GLYATL1: variants seen among roughly 807,000 people sequenced by gnomAD.
The protein encoded by GLYATL1 is glycine N-acyltransferase-like protein 1.
GLYATL1 carries 15 observed loss-of-function variants against 20.0 expected under a neutral mutation model. The observed-to-expected ratio is 0.75, with a 90% confidence interval of 0.50 to 1.15. The LOEUF (loss-of-function observed/expected upper bound fraction) is 1.15. Ranked by LOEUF, GLYATL1 falls within the 50% of genes most tolerant of loss-of-function variation. The pLI is 0.00. For synonymous variants in GLYATL1, 151 were observed against 131.5 expected (o/e 1.15, Z -1.01); for missense variants, 380 against 368.5 (o/e 1.03, Z -0.26).
In GLYATL1 at chr11:58,947,159, C is replaced by CCA; in HGVS notation, c.73_74insAC (p.Leu25HisfsTer2). On this transcript the variant is annotated frameshift_variant, in exon 3 of 7. Transcript: ENST00000532726. LOFTEE classifies it high-confidence loss of function. Reference sequence around the variant, plus strand: ...CCTTGGCCAGGAGCATCCCTGAGTCCCTGAAGGTCAGGGAACAGTGGGAGG... The same window carrying CCA: ...CCTTGGCCAGGAGCATCCCTGAGTCCCACTGAAGGTCAGGGAACAGTGGGAGG... 6.2e-7 allele frequency: 1 copy of CCA among 1,613,490 alleles called. No individual in the cohort carries two copies. The highest frequency in any genetic ancestry group is 8.5e-7 in the Non-Finnish European group (1 of 1,179,596).
intron 4 of GLYATL1, among the ~76,000 whole-genome samples, chr11:58,954,444 T>C (rs1438667072): frequency 1.3e-5 from 2 of 152,166 alleles, no homozygotes; most frequent in African/African-American, 4.8e-5. Context: ...AGGGTATGTG[T>C]GCAGTTGAGT....
chr11:58,945,953 C>T (rs1394262677), intron 2 of GLYATL1, among the ~76,000 whole-genome samples: 1 of 152,160 alleles, frequency 6.6e-6, no homozygotes, highest in Non-Finnish European at 1.5e-5. Context: ...ATATGTTTCA[C>T]CTTGCCTATT....
downstream of GLYATL1, among the ~76,000 whole-genome samples, chr11:58,912,075 A>T (rs1198047714): frequency 6.6e-6 from 1 of 152,208 alleles, no homozygotes; most frequent in Non-Finnish European, 1.5e-5. Flanking sequence ...GATGATTAGC[A>T]TCTTAAGAAT....
At chr11:58,929,025 A>G (rs1855507732) in intron 1 of GLYATL1, among the ~76,000 whole-genome samples, 1 of 152,230 alleles carries the variant, frequency 6.6e-6, no homozygotes, top group South Asian at 2.1e-4. Flanking sequence ...CAATTATTAC[A>G]AGCTTTATAA....
intron 1 of GLYATL1, among the ~76,000 whole-genome samples, chr11:58,931,399 A>G (rs991857510): frequency 8.5e-5 from 13 of 152,240 alleles, no homozygotes; most frequent in African/African-American, 3.1e-4. Flanking sequence ...GGTTAGGACT[A>G]TAACATGTGA....
At chr11:58,914,784 G>T (rs906621946) in intron 1 of GLYATL1, among the ~76,000 whole-genome samples, 2 of 152,212 alleles carry the variant, frequency 1.3e-5, no homozygotes, top group Non-Finnish European at 2.9e-5. Context: ...CTGGTAGTCA[G>T]TGGGTGGAGA....
upstream of GLYATL1, among the ~76,000 whole-genome samples, chr11:58,937,294 T>A (rs892497003): frequency 6.6e-6 from 1 of 152,228 alleles, no homozygotes; most frequent in African/African-American, 2.4e-5. Context: ...AGAGTTAGGA[T>A]GCTCCTTTGG....
At chr11:58,941,149 C>T (rs1008815914) in intron 1 of GLYATL1, among the ~76,000 whole-genome samples, 4 of 150,884 alleles carry the variant, frequency 2.7e-5, no homozygotes, top group East Asian at 2.0e-4. Context: ...ATTAACTCGT[C>T]ATTTAGCATT....
intron 4 of GLYATL1, among the ~76,000 whole-genome samples, chr11:58,951,644 G>GTC (rs1590809636): frequency 6.6e-6 from 1 of 152,134 alleles, no homozygotes; most frequent in East Asian, 1.9e-4. Context: ...AAGAAATATG[G>GTC]TCTTTTTCTC....
Position 58,947,849 on chromosome 11 carries a change from C to G in GLYATL1, c.79-9C>G. On this transcript the variant is annotated splice_polypyrimidine_tract_variant and intron_variant, in intron 3 of 6. Coordinates refer to ENST00000532726, the MANE Select transcript of GLYATL1 (RefSeq NM_001389712.2). ...CAACCTCTCCTGGTCCCTTTCATCC[C>G]TCCTTCAGGTGTATGGCTCTGTGTA... 1 of 1,590,934 alleles carries G rather than the reference C, an allele frequency of 6.3e-7. No individual in the cohort carries two copies. Among genetic ancestry groups the G allele is most frequent in the Non-Finnish European group, 8.6e-7 (1 of 1,158,874 alleles).
At chr11:58,950,159 C>T (rs1301139883) in intron 4 of GLYATL1, among the ~76,000 whole-genome samples, 6 of 138,802 alleles carry the variant, frequency 4.3e-5, no homozygotes, top group Admixed American at 3.0e-4. Flanking sequence ...GGCGTGGTGG[C>T]GGGCGCCTGT....
intron 1 of GLYATL1, among the ~76,000 whole-genome samples, chr11:58,931,289 T>C (rs1205361805): frequency 1.3e-5 from 2 of 152,184 alleles, no homozygotes; most frequent in Non-Finnish European, 2.9e-5. Context: ...ATCAGGGGTA[T>C]TGGATTAGGG....
intron 1 of GLYATL1, among the ~76,000 whole-genome samples, chr11:58,921,482 G>A (rs478587): frequency 0.46 from 70,423 of 151,626 alleles, 16,346 homozygotes; most frequent in East Asian, 0.58. Context: ...TCCTCACAGG[G>A]TATGGTAGCC....
At chr11:58,951,599 G>T (rs1856999352) in intron 4 of GLYATL1, among the ~76,000 whole-genome samples, 2 of 152,010 alleles carry the variant, frequency 1.3e-5, no homozygotes, top group Non-Finnish European at 1.5e-5. Context: ...AATTTTGGAA[G>T]AATTAATATT....
At chr11:58,915,710 G>T in intron 1 of GLYATL1, among the ~76,000 whole-genome samples, 1 of 152,184 alleles carries the variant, frequency 6.6e-6, no homozygotes, top group East Asian at 1.9e-4. Flanking sequence ...GATTGGGACT[G>T]CCAGGCAGGT....
chr11:58,940,784 C>T (rs1337426762), intron 1 of GLYATL1, among the ~76,000 whole-genome samples: 2 of 152,030 alleles, frequency 1.3e-5, no homozygotes, highest in African/African-American at 4.8e-5. Context: ...ACAGAGACCC[C>T]CTCCCCCATC....
Position 58,956,024 on chromosome 11 carries a change from T to A in GLYATL1, c.906T>A (p.Phe302Leu), listed in dbSNP as rs1857400721. Residue 302 changes from phenylalanine (F) to leucine (L), a missense_variant, in exon 7 of 7, where the codon TTT becomes TTA. Phe to Leu is a conservative substitution (Grantham distance 22). Transcript: ENST00000532726. ...GCTACCCACAGAATCTAGTTCCATTTTAGACAATGAAGCTGCTTAGTAATC... is the reference window on the plus strand; with the variant it reads ...GCTACCCACAGAATCTAGTTCCATTATAGACAATGAAGCTGCTTAGTAATC... ...WTCYPQNLVP[F>L] 1.2e-6 allele frequency: 2 copies of A among 1,608,616 alleles called. No homozygotes were observed. The highest frequency in any genetic ancestry group is 1.7e-6 in the Non-Finnish European group (2 of 1,175,662).
upstream of GLYATL1, chr11:58,927,498 C>T (rs1386572173): frequency 2.0e-5 from 3 of 152,250 alleles, no homozygotes; most frequent in Non-Finnish European, 2.9e-5. Context: ...ATTGGCTGTT[C>T]CTGGCCAGGG....
intron 1 of GLYATL1, among the ~76,000 whole-genome samples, chr11:58,916,528 T>C (rs1391325658): frequency 6.6e-6 from 1 of 152,212 alleles, no homozygotes; most frequent in Non-Finnish European, 1.5e-5. Flanking sequence ...GGATGTGTGC[T>C]TCCACCCTCT....
Sources: allele counts gnomAD v4.1 joint callset (sites outside exome capture counted in the v4.1 genomes callset), GRCh38; gene constraint gnomAD v4.1.1; transcripts MANE v1.5; gene names NCBI Gene and HGNC (gene_info 2026-07-23, HGNC 2026-07-21).